The following PTPRN2 variants were observed in gnomAD, a reference collection of about 807,000 sequenced individuals.
The protein encoded by PTPRN2 is receptor-type tyrosine-protein phosphatase N2.
PTPRN2 carries 74 observed loss-of-function variants against 118.8 expected under a neutral mutation model. The ratio of observed to expected loss-of-function variants is 0.62; its 90% CI spans 0.52 to 0.76. The LOEUF (loss-of-function observed/expected upper bound fraction) is 0.76. PTPRN2 is among the 30% of genes least tolerant of loss of function. The pLI, the probability that PTPRN2 is intolerant of heterozygous loss-of-function variation, is 0.00. For synonymous variants in PTPRN2, 641 were observed against 608.0 expected (o/e 1.05, Z -0.80); for missense variants, 1,481 against 1,394.4 (o/e 1.06, Z -0.99).
At chr7:157,634,760 T>C (rs550235369) in intron 14 of PTPRN2, among the ~76,000 whole-genome samples, 9 of 152,216 alleles carry the variant, frequency 5.9e-5, no homozygotes, top group Non-Finnish European at 1.0e-4. Context: ...CAGGCTGACG[T>C]AGGCTGACAG....
intron 11 of PTPRN2, among the ~76,000 whole-genome samples, chr7:157,984,257 GCCAGGC>G (rs1803551868): frequency 2.4e-5 from 1 of 42,206 alleles, no homozygotes; most frequent in African/African-American, 8.7e-5. Context: ...ACCTCCCCAC[GCCAGGC>G]TCCACCCCCC....
At chr7:158,265,293 C>G (rs974124056) in intron 3 of PTPRN2, among the ~76,000 whole-genome samples, 2 of 152,184 alleles carry the variant, frequency 1.3e-5, no homozygotes, top group Non-Finnish European at 2.9e-5. Context: ...CTGACACAGA[C>G]ACGAGCACAT....
At chr7:158,102,155 A>C (rs1016787617) in intron 10 of PTPRN2, among the ~76,000 whole-genome samples, 14 of 152,194 alleles carry the variant, frequency 9.2e-5, no homozygotes, top group Non-Finnish European at 2.1e-4. Flanking sequence ...TGATGCTAAC[A>C]GTGCATGGCA....
intron 3 of PTPRN2, among the ~76,000 whole-genome samples, chr7:158,221,954 G>A (rs767891963): frequency 8.6e-5 from 13 of 152,012 alleles, no homozygotes; most frequent in East Asian, 3.9e-4. Context: ...ACATAGAAGC[G>A]GCCAAGAAAC....
At chr7:157,700,794 C>A (rs1348583870) in intron 12 of PTPRN2, among the ~76,000 whole-genome samples, 1 of 152,136 alleles carries the variant, frequency 6.6e-6, no homozygotes, top group Non-Finnish European at 1.5e-5. Context: ...ACACCAGGAG[C>A]CCCTGGTCAG....
intron 2 of PTPRN2, among the ~76,000 whole-genome samples, chr7:158,332,740 G>T (rs543102482): frequency 6.7e-6 from 1 of 148,430 alleles, no homozygotes; most frequent in Non-Finnish European, 1.5e-5. Context: ...CTCACCATAA[G>T]AGCTGAGGCC....
chr7:158,332,298 GTCAC>G, intron 2 of PTPRN2, among the ~76,000 whole-genome samples: 1 of 145,644 alleles, frequency 6.9e-6, no homozygotes, highest in Non-Finnish European at 1.5e-5. Context: ...ATCTGCAGAC[GTCAC>G]TCACACCCAC....
chr7:157,758,045 C>A (rs1801901872), intron 12 of PTPRN2, among the ~76,000 whole-genome samples: 1 of 152,234 alleles, frequency 6.6e-6, no homozygotes, highest in Admixed American at 6.5e-5. Flanking sequence ...GACAGCCTTG[C>A]CGGTGCGGGG....
chr7:157,981,342 CCAGGACAGG>C (rs1803129766), intron 11 of PTPRN2, among the ~76,000 whole-genome samples: 2 of 148,902 alleles, frequency 1.3e-5, no homozygotes, highest in African/African-American at 2.6e-5. Context: ...TCCTGCTATT[CCAGGACAGG>C]TGAAACTGCT....
chr7:157,685,904 C>G (rs1367370609), intron 12 of PTPRN2, among the ~76,000 whole-genome samples: 1 of 152,120 alleles, frequency 6.6e-6, no homozygotes, highest in African/African-American at 2.4e-5. Flanking sequence ...CCGCGCTGTC[C>G]CAGCAGAGGA....
At chr7:157,935,981 C>T (rs1799674286) in intron 11 of PTPRN2, among the ~76,000 whole-genome samples, 1 of 149,876 alleles carries the variant, frequency 6.7e-6, no homozygotes, top group African/African-American at 2.5e-5. Flanking sequence ...ATCTGTGTCG[C>T]TCCCTCAGGG....
chr7:158,393,948 C>G (rs1218891050), intron 2 of PTPRN2, among the ~76,000 whole-genome samples: 2 of 151,900 alleles, frequency 1.3e-5, no homozygotes, highest in Admixed American at 6.6e-5. Flanking sequence ...GGGACCCCCA[C>G]CCTTCATCTC....
intron 11 of PTPRN2, among the ~76,000 whole-genome samples, chr7:157,936,274 G>A (rs540972546): frequency 6.6e-6 from 1 of 152,184 alleles, no homozygotes; most frequent in Non-Finnish European, 1.5e-5. Context: ...GACTGACTGA[G>A]CCGAAGCTCT....
At chr7:158,487,672 G>A (rs1304409660) in intron 2 of PTPRN2, among the ~76,000 whole-genome samples, 1 of 152,028 alleles carries the variant, frequency 6.6e-6, no homozygotes, top group African/African-American at 2.4e-5. Context: ...ACTCGCAGCC[G>A]CCCCCCACCG....
chr7:157,772,829 C>T (rs1802967322), intron 12 of PTPRN2, among the ~76,000 whole-genome samples: 1 of 152,252 alleles, frequency 6.6e-6, no homozygotes, highest in South Asian at 2.1e-4. Context: ...CTCTGCGCCC[C>T]AGCTCCTTTG....
chr7:158,492,255 G>A (rs1821514203), intron 1 of PTPRN2, among the ~76,000 whole-genome samples: 1 of 152,218 alleles, frequency 6.6e-6, no homozygotes, highest in African/African-American at 2.4e-5. Flanking sequence ...CTCTGCTCAG[G>A]ATTCTAGGGT....
chr7:157,793,557 G>A (rs948914033), intron 12 of PTPRN2, among the ~76,000 whole-genome samples: 4 of 152,208 alleles, frequency 2.6e-5, no homozygotes, highest in African/African-American at 9.6e-5. Context: ...GGGGTGGGAT[G>A]GGTGGATGCT....
At chr7:157,851,388 T>A (rs1056500318) in intron 12 of PTPRN2, among the ~76,000 whole-genome samples, 21 of 152,218 alleles carry the variant, frequency 1.4e-4, no homozygotes, top group Admixed American at 6.5e-5. Flanking sequence ...CTTTCTTTAA[T>A]ACAAATATAG....
At chr7:158,586,477 T>G (rs1828930885) in intron 1 of PTPRN2, among the ~76,000 whole-genome samples, 1 of 152,182 alleles carries the variant, frequency 6.6e-6, no homozygotes, top group Non-Finnish European at 1.5e-5. Context: ...CTGCGTTTGC[T>G]TCTGCACCCC....
Sources: gnomAD v4.1 joint callset for allele counts (sites outside exome capture counted in the v4.1 genomes callset) on GRCh38, gnomAD v4.1.1 for gene constraint, MANE v1.5 for transcripts, NCBI Gene and HGNC (gene_info 2026-07-23, HGNC 2026-07-21) for gene names.